Variants in LAMA2 observed in about 807,000 individuals in gnomAD.
LAMA2 encodes the protein laminin subunit alpha 2.
Under a neutral mutation model 364.8 loss-of-function variants are expected in LAMA2, and 269 were observed. The observed-to-expected ratio is 0.74, with a 90% CI of 0.67 to 0.82. The LOEUF (loss-of-function observed/expected upper bound fraction) is 0.82, where lower values mean the gene tolerates loss of function less well. Among genes scored for constraint, LAMA2 ranks in the 40% least tolerant of loss-of-function variants. LAMA2 has a pLI of 0.00. For synonymous variants in LAMA2, 1,379 were observed against 1,370.6 expected, an observed-to-expected ratio of 1.01 and a Z score of -0.14; for missense variants, 3,807 against 3,873.2, an observed-to-expected ratio of 0.98 and a Z score of 0.45.
intron 18 of LAMA2, among the ~76,000 whole-genome samples, chr6:129,286,870 A>T (rs866739126): frequency 1.4e-4 from 3 of 21,244 alleles, no homozygotes; most frequent in South Asian, 3.8e-3. Context: ...AATAATATAT[A>T]ATATATTATA....
At chr6:129,141,895 T>C (rs1192608389) in intron 4 of LAMA2, among the ~76,000 whole-genome samples, 2 of 152,078 alleles carry the variant, frequency 1.3e-5, no homozygotes, top group African/African-American at 4.8e-5. Flanking sequence ...TGAGTGTGTA[T>C]GTGTATTTTC....
At chr6:129,446,298 A>G (rs549720851) in intron 45 of LAMA2, among the ~76,000 whole-genome samples, 1 of 151,814 alleles carries the variant, frequency 6.6e-6, no homozygotes, top group South Asian at 2.1e-4. Flanking sequence ...AACAATAAAA[A>G]TGGCTTTGGT....
intron 12 of LAMA2, among the ~76,000 whole-genome samples, chr6:129,238,213 A>G (rs1003794692): frequency 6.6e-6 from 1 of 151,912 alleles, no homozygotes; most frequent in African/African-American, 2.4e-5. Context: ...ATTTTTTTCC[A>G]CACAAGCATT....
At chr6:128,883,801 T>C (rs551779006) in intron 1 of LAMA2, among the ~76,000 whole-genome samples, 9,689 of 135,722 alleles carry the variant, frequency 0.071, 792 homozygotes, top group African/African-American at 0.22. Context: ...TATATATATA[T>C]ACACACACAC....
chr6:129,383,178 C>T lies in LAMA2; in HGVS notation c.5016C>T (p.Asn1672=), dbSNP rs1778793888. 2 of 1,613,782 alleles carry T rather than the reference C, an allele frequency of 1.2e-6. No individual in the cohort carries two copies. Among genetic ancestry groups the T allele is most frequent in the Non-Finnish European group, 1.7e-6 (2 of 1,179,940 alleles). ...CCGGACAGGATGCTGAGAGGACCAA[C>T]ACAAGAGCAAAGTCCCTGGGAGAAT... ...EQTGQDAERT[N]TRAKSLGEFI... Residue 1672 remains asparagine (N), a synonymous_variant, in exon 35 of 65, where the codon AAC becomes AAT. Coordinates refer to ENST00000421865, the MANE Select transcript of LAMA2 (RefSeq NM_000426.4).
chr6:129,182,948 T>C (rs1781015892), intron 10 of LAMA2, among the ~76,000 whole-genome samples: 1 of 151,884 alleles, frequency 6.6e-6, no homozygotes, highest in African/African-American at 2.4e-5. Flanking sequence ...TAAAAAAGAA[T>C]TCCAGATTTA....
chr6:129,367,958 T>C (rs1777866012), intron 33 of LAMA2, among the ~76,000 whole-genome samples: 1 of 152,228 alleles, frequency 6.6e-6, no homozygotes, highest in South Asian at 2.1e-4. Context: ...CTCTCACAGT[T>C]CTGAGGCTGG....
rs1271730400 is a variant in LAMA2 at position 129,048,440 on chromosome 6, T to TTTTCTTTC, written c.113-1429_113-1422dup. Among the ~76,000 whole-genome samples, 572 of 103,958 alleles carry TTTTCTTTC rather than the reference T, an allele frequency of 5.5e-3. 13 individuals are homozygous for TTTTCTTTC. Among genetic ancestry groups the TTTTCTTTC allele is most frequent in the Middle Eastern group, 9.9e-3 (2 of 202 alleles). 68.2% of individuals were successfully genotyped at this position (103,958 alleles called of 152,430 possible). ...TTTAGTCAGGAAGGTTTCTTTTTTC[T>TTTTCTTTC]TTTCTTTCTTTCTTTCTTTCTTTCT... On this transcript the variant is annotated intron_variant, in intron 1 of 64. Transcript: ENST00000421865.
chr6:129,215,276 AAAG>A (rs1297636279), intron 12 of LAMA2, among the ~76,000 whole-genome samples: 20 of 152,160 alleles, frequency 1.3e-4, no homozygotes, highest in African/African-American at 4.8e-4. Context: ...TTACAGTCTA[AAAG>A]ACTAAATAAG....
intron 13 of LAMA2, among the ~76,000 whole-genome samples, chr6:129,250,619 A>G (rs1786109844): frequency 6.6e-6 from 1 of 152,142 alleles, no homozygotes; most frequent in African/African-American, 2.4e-5. Flanking sequence ...AAACTTGTTT[A>G]TTTAGCTATA....
chr6:129,490,902 C>T (rs1367489685), intron 56 of LAMA2: 1 of 152,068 alleles, frequency 6.6e-6, no homozygotes, highest in Non-Finnish European at 1.5e-5. Flanking sequence ...ATTTTTTGTC[C>T]CTTTCTCTTA....
intron 4 of LAMA2, among the ~76,000 whole-genome samples, chr6:129,102,135 T>A (rs1384341210): frequency 2.0e-5 from 3 of 149,432 alleles, no homozygotes; most frequent in Non-Finnish European, 1.5e-5. Flanking sequence ...TCTTTCTTTT[T>A]TTTTTTTTTT....
At chr6:129,279,191 G>T (rs1788533091) in intron 17 of LAMA2, among the ~76,000 whole-genome samples, 1 of 152,272 alleles carries the variant, frequency 6.6e-6, no homozygotes, top group South Asian at 2.1e-4. Context: ...AATTCAAAAT[G>T]GTTGATGGCC....
intron 3 of LAMA2, among the ~76,000 whole-genome samples, chr6:129,090,559 T>C (rs1774755649): frequency 1.3e-5 from 2 of 152,180 alleles, no homozygotes; most frequent in Non-Finnish European, 2.9e-5. Flanking sequence ...CATTTTAACT[T>C]CCTTGCAACT....
chr6:129,060,644 C>T (rs1345948695), intron 3 of LAMA2, among the ~76,000 whole-genome samples: 3 of 152,194 alleles, frequency 2.0e-5, no homozygotes, highest in African/African-American at 7.2e-5. Context: ...TAATGACAGA[C>T]ACCATACACT....
intron 3 of LAMA2, among the ~76,000 whole-genome samples, chr6:129,088,771 A>G (rs1395744550): frequency 6.6e-6 from 1 of 150,528 alleles, no homozygotes; most frequent in Non-Finnish European, 1.5e-5. Flanking sequence ...CCGGGCAGAG[A>G]CGCTCCTCAC....
chr6:129,094,008 A>G (rs778640821), intron 3 of LAMA2, among the ~76,000 whole-genome samples: 13 of 152,188 alleles, frequency 8.5e-5, no homozygotes, highest in South Asian at 8.3e-4. Flanking sequence ...TATTATAACT[A>G]CTGATTTTGA....
rs543481093 is a variant in LAMA2, at chr6:129,512,465, G to C, written c.8960G>C (p.Gly2987Ala). 5.6e-6 allele frequency: 9 copies of C among 1,613,640 alleles called. No individual in the cohort carries two copies. The South Asian group carries it at 9.9e-5, about 18-fold the overall frequency. ...LLGISSQKMD[G>A]MGIEMIDEKL... ...GGGATCAGTAGTCAAAAAATGGATG[G>C]AATGGGTATTGAAATGATTGATGAA... is the stretch of plus-strand genomic sequence containing the variant. The change falls in exon 63 of 65, where the codon GGA becomes GCA. Residue 2987 changes from glycine (G) to alanine (A), a missense_variant. By Grantham distance (60) the Gly-to-Ala change is moderately conservative (BLOSUM62 0). Coordinates refer to ENST00000421865, the MANE Select transcript of LAMA2 (RefSeq NM_000426.4).
intron 1 of LAMA2, chr6:128,928,994 A>C: frequency 1.6e-6 from 2 of 1,236,004 alleles, no homozygotes; most frequent in Non-Finnish European, 2.4e-6. Flanking sequence ...CAGAAGGAGC[A>C]GAAGGAGTTA....
Sources: allele counts gnomAD v4.1 joint callset (sites outside exome capture counted in the v4.1 genomes callset), GRCh38; gene constraint gnomAD v4.1.1; transcripts MANE v1.5; gene names NCBI Gene and HGNC (gene_info 2026-07-23, HGNC 2026-07-21).